LRRC9: variants seen among roughly 807,000 people sequenced by gnomAD.
LRRC9 encodes leucine rich repeat containing 9, also known as leucine-rich repeat-containing protein 9.
Under a neutral mutation model 63.2 loss-of-function variants are expected in LRRC9, and 122 were observed. That is an observed-to-expected ratio of 1.93 (90% confidence interval 1.67 to 2.24). LRRC9 has a LOEUF of 2.24. LRRC9 is among the 30% of genes most tolerant of loss of function. LRRC9 has a pLI of 0.00. For missense variants in LRRC9, 1,071 were observed against 627.7 expected, an observed-to-expected ratio of 1.71 and a Z score of -7.55; for synonymous variants, 366 against 213.1, an observed-to-expected ratio of 1.72 and a Z score of -6.25.
chr14:59,931,190 G>T (rs1248780881), intron 4 of LRRC9, 132 bp downstream of exon 4: 4 of 293,892 alleles, frequency 1.4e-5, no homozygotes, highest in Non-Finnish European at 2.5e-5. Flanking sequence ...TTGTCAAAAA[G>T]AACTAACATG....
At chr14:59,998,380 G>A (rs1356102607) in intron 18 of LRRC9, among the ~76,000 whole-genome samples, 1 of 151,876 alleles carries the variant, frequency 6.6e-6, no homozygotes, top group Non-Finnish European at 1.5e-5. Context: ...AAAGTCTTAT[G>A]TTCTCTTATA....
At chr14:59,995,224 T>A (rs1298605245) in intron 17 of LRRC9, among the ~76,000 whole-genome samples, 1 of 152,198 alleles carries the variant, frequency 6.6e-6, no homozygotes, top group Non-Finnish European at 1.5e-5. Context: ...ATAAGCTGCA[T>A]GTCTGTCATT....
intron 12 of LRRC9, among the ~76,000 whole-genome samples, chr14:59,974,029 T>C (rs1885829453): frequency 6.6e-6 from 1 of 152,010 alleles, no homozygotes; most frequent in African/African-American, 2.4e-5. Context: ...AGATTTTTGG[T>C]TTTTAGAGCT....
At chr14:60,063,805 G>C (rs1253054517), downstream of LRRC9, among the ~76,000 whole-genome samples, 2 of 152,156 alleles carry the variant, frequency 1.3e-5, no homozygotes, top group East Asian at 3.8e-4. Context: ...ATTCATTTGA[G>C]ATTACACAAA....
chr14:59,979,571 C>A (rs1022260299), intron 15 of LRRC9, among the ~76,000 whole-genome samples: 2 of 151,796 alleles, frequency 1.3e-5, no homozygotes, highest in African/African-American at 4.8e-5. Flanking sequence ...GAGATCGCGC[C>A]ACGGCATTCC....
At position 60,023,444 on chromosome 14, in the gene LRRC9, G is replaced by A. The variant is rs184317283; in HGVS notation, c.3703+574G>A. Among the ~76,000 whole-genome samples the A allele has an allele frequency of 5.3e-5, 8 of 152,068 alleles. No homozygotes were observed. The East Asian group carries it at 1.4e-3, about 26-fold the overall frequency. ...ATTACTGAGTGCTTTGCAAGCAGGG[G>A]GAGGAGGAAAAGAGTCACAGGACAT... is the stretch of plus-strand genomic sequence containing the variant. On this transcript the variant is annotated intron_variant, in intron 27 of 31. Coordinates refer to ENST00000445360, the Ensembl canonical transcript of LRRC9.
chr14:59,921,111 A>G (rs1283166221), intron 1 of LRRC9, among the ~76,000 whole-genome samples: 2 of 152,236 alleles, frequency 1.3e-5, no homozygotes, highest in African/African-American at 4.8e-5. Flanking sequence ...TTAGGGAAGT[A>G]TGGAGTATGC....
At chr14:59,961,131 A>T in intron 10 of LRRC9, 86 bp downstream of exon 10, 1 of 485,932 alleles carries the variant, frequency 2.1e-6, no homozygotes, top group Non-Finnish European at 3.6e-6. Context: ...ATAAAATCTT[A>T]AAATGTCCCA....
chr14:59,941,953 T>C (rs947640461), intron 7 of LRRC9, among the ~76,000 whole-genome samples: 1 of 152,168 alleles, frequency 6.6e-6, no homozygotes, highest in Admixed American at 6.6e-5. Flanking sequence ...CTCCCCATTC[T>C]TTCCTCCCCA....
Position 60,063,353 on chromosome 14 carries a change from T to G in LRRC9, c.4307T>G (p.Ile1436Ser), listed in dbSNP as rs958426055. 5 of 700,684 alleles carry G rather than the reference T, an allele frequency of 7.1e-6. No homozygotes were observed. The African/African-American group carries it at 8.8e-5, about 12-fold the overall frequency. The allele number at this position is 700,684 out of a possible 1,614,324, so 43.4% of individuals were successfully genotyped here. ...TTGGGAGCAACTTTCCAAGATCAAA[T>G]CGAATGTAACTGCCTAAAGAGAAAT... Residue 1436 changes from isoleucine (I) to serine (S), a missense_variant, in exon 32 of 32, where the codon ATC (isoleucine) becomes AGC (serine). By Grantham distance (142) the Ile-to-Ser change is moderately radical. Coordinates refer to ENST00000445360, the Ensembl canonical transcript of LRRC9.
intron 17 of LRRC9, 141 bp from the exon 18 acceptor site, chr14:59,997,515 T>C (rs2140185596): frequency 2.0e-6 from 1 of 498,706 alleles, no homozygotes; most frequent in East Asian, 3.1e-5. Flanking sequence ...GTTGATACCA[T>C]CATTGCAACA....
chr14:59,978,263 A>C, intron 15 of LRRC9, 131 bp downstream of exon 15: 1 of 507,574 alleles, frequency 2.0e-6, no homozygotes, highest in East Asian at 3.2e-5. Context: ...TATTTTGTGA[A>C]TAACTTAATT....
rs1881298295 is a variant in LRRC9, at chr14:59,938,544, C to T, written c.698C>T (p.Ser233Leu). Reference sequence around the variant, plus strand: ...CAAAGATTTGACACATTGGATGTGTCAGCAAAGCAAATCAAGGAACTGGCA... The same window carrying T: ...CAAAGATTTGACACATTGGATGTGTTAGCAAAGCAAATCAAGGAACTGGCA... Residue 233 changes from serine to leucine, a missense_variant, in exon 7 of 32, where the codon TCA (serine) becomes TTA (leucine). By Grantham distance (145) the Ser-to-Leu change is moderately radical. Coordinates refer to ENST00000445360, the Ensembl canonical transcript of LRRC9. This position sits in a 1 kb window ranked among gnomAD's most constrained non-coding sequence, Gnocchi z 4.2. The T allele has an allele frequency of 1.4e-6, 1 of 693,212 alleles. No individual in the cohort carries two copies. The highest frequency in any genetic ancestry group is 1.8e-5 in the African/African-American group (1 of 56,416). 42.9% of individuals were successfully genotyped at this position (693,212 alleles called of 1,614,324 possible). A position where few individuals can be genotyped will look rare whatever the true frequency, so the allele number is the denominator to read the frequency against.
Position 60,004,793 on chromosome 14 carries a change from CAA to C in LRRC9, c.2842+998_2842+999del, listed in dbSNP as rs1266742244. Among the ~76,000 whole-genome samples the C allele has an allele frequency of 2.6e-5, 4 of 152,140 alleles. No individual in the cohort carries two copies. The highest frequency in any genetic ancestry group is 2.1e-4 in the South Asian group (1 of 4,828). Reference sequence around the variant, plus strand: ...CTCTTATTCTCCCTCTCCATCTACTCAAAAGAGTAACTAACTCCTAGAAATTA... The same window carrying C: ...CTCTTATTCTCCCTCTCCATCTACTCAAGAGTAACTAACTCCTAGAAATTA... On this transcript the variant is annotated intron_variant, in intron 21 of 31. Transcript: ENST00000445360. This position sits in a 1 kb window ranked among gnomAD's most constrained non-coding sequence, Gnocchi z 4.8.
intron 19 of LRRC9, 128 bp from the exon 20 acceptor site, chr14:60,001,838 G>A (rs1889390818): frequency 2.3e-6 from 1 of 440,364 alleles, no homozygotes; most frequent in Middle Eastern, 5.8e-4. Flanking sequence ...TTAAGGCAAA[G>A]GAAATGTTAC....
At chr14:60,022,634 C>A (rs1408270033) in intron 26 of LRRC9, 100 bp from the exon 27 acceptor site, 2 of 410,750 alleles carry the variant, frequency 4.9e-6, no homozygotes, top group African/African-American at 4.1e-5. Flanking sequence ...TTTATATTTT[C>A]TTAACTTCAG....
chr14:59,970,667 T>G (rs906887969), intron 12 of LRRC9, among the ~76,000 whole-genome samples: 1 of 152,218 alleles, frequency 6.6e-6, no homozygotes. Context: ...TTGATTTGCA[T>G]TTCTCTAATG....
At chr14:60,045,897 T>TA (rs1412670270) in intron 29 of LRRC9, among the ~76,000 whole-genome samples, 1 of 152,156 alleles carries the variant, frequency 6.6e-6, no homozygotes, top group Admixed American at 6.6e-5. Flanking sequence ...ACCAAGAGTG[T>TA]AAAAGCTTTT....
intron 29 of LRRC9, among the ~76,000 whole-genome samples, chr14:60,049,591 T>C (rs1457155177): frequency 6.6e-6 from 1 of 152,226 alleles, no homozygotes; most frequent in African/African-American, 2.4e-5. Flanking sequence ...CAGTCTCTTC[T>C]GGTTTTTAGG....
Sources: gnomAD v4.1 joint callset for allele counts (sites outside exome capture counted in the v4.1 genomes callset) on GRCh38, gnomAD v4.1.1 for gene constraint, Gnocchi (gnomAD v3.1) non-coding constraint, MANE v1.5 for transcripts, NCBI Gene and HGNC (gene_info 2026-07-23, HGNC 2026-07-21) for gene names.